The following PABPC4L variants were observed in gnomAD, a reference collection of about 807,000 sequenced individuals.
The protein encoded by PABPC4L is polyadenylate-binding protein 4-like.
For missense variants in PABPC4L, 452 were observed against 451.4 expected, an observed-to-expected ratio of 1.00 and a Z score of -0.01; for synonymous variants, 169 against 164.1, an observed-to-expected ratio of 1.03 and a Z score of -0.23.
At chr4:133,956,492 G>T in the PABPC4L span, among the ~76,000 whole-genome samples, 1 of 151,968 alleles carries the variant, frequency 6.6e-6, no homozygotes, top group African/African-American at 2.4e-5. Flanking sequence ...CCCCAAATAT[G>T]GTACCTTGGC....
the PABPC4L span, among the ~76,000 whole-genome samples, chr4:133,963,996 GA>G: frequency 6.6e-6 from 1 of 151,406 alleles, no homozygotes; most frequent in African/African-American, 2.4e-5. Context: ...AAATGAAATT[GA>G]AACAAAAAAA....
In PABPC4L at chr4:134,201,049, C is replaced by T. The variant is rs1385160554; in HGVS notation, c.-30G>A. On this transcript the variant is annotated 5_prime_UTR_variant, in exon 2 of 2. Coordinates refer to ENST00000421491, the MANE Select transcript of PABPC4L (RefSeq NM_001114734.2). ...TTGTCCTTGCCACTGTGAGTTTGTC[C>T]CCTGGAGTTCTTTGAGCAATCCCTG... is the stretch of plus-strand genomic sequence containing the variant. 6.4e-7 allele frequency: 1 copy of T among 1,551,580 alleles called. No individual in the cohort carries two copies. The highest frequency in any genetic ancestry group is 1.2e-5 in the South Asian group (1 of 84,030).
At chr4:134,060,317 T>C in the PABPC4L span, among the ~76,000 whole-genome samples, 6 of 151,846 alleles carry the variant, frequency 4.0e-5, no homozygotes, top group Non-Finnish European at 8.8e-5. Flanking sequence ...GCTGGGCTTA[T>C]AGTCAGTGGA....
At chr4:134,070,329 G>A in the PABPC4L span, among the ~76,000 whole-genome samples, 9 of 152,098 alleles carry the variant, frequency 5.9e-5, no homozygotes, top group Non-Finnish European at 1.3e-4. Context: ...GTGGTGGGGT[G>A]CATGTGCATC....
At chr4:134,072,221 T>C in the PABPC4L span, among the ~76,000 whole-genome samples, 2 of 152,170 alleles carry the variant, frequency 1.3e-5, no homozygotes, top group South Asian at 4.1e-4. Flanking sequence ...CACAGTGTTA[T>C]CCCTTTTAGT....
the PABPC4L span, among the ~76,000 whole-genome samples, chr4:134,056,758 A>G: frequency 6.6e-6 from 1 of 152,126 alleles, no homozygotes; most frequent in African/African-American, 2.4e-5. Context: ...TGCTAAACAT[A>G]CTTGTAAGTT....
At chr4:133,988,254 A>G in the PABPC4L span, among the ~76,000 whole-genome samples, 1 of 152,294 alleles carries the variant, frequency 6.6e-6, no homozygotes, top group East Asian at 1.9e-4. Context: ...AGTCTCTCAA[A>G]GTCTGAACTC....
Position 134,200,898 on chromosome 4 carries a change from A to G in PABPC4L, c.122T>C (p.Ile41Thr), listed in dbSNP as rs993644199. 17 of 1,560,266 alleles carry G rather than the reference A, an allele frequency of 1.1e-5. No individual in the cohort carries two copies. Among genetic ancestry groups the G allele is most frequent in the Non-Finnish European group, 1.4e-5 (16 of 1,151,928 alleles). ...STVGPVLSIR[I>T]CRDQVTRRSL... ...GCGGCGGGTGACCTGGTCCCTGCAA[A>G]TGCGGATGGACAGCACAGGCCCCAC... The change falls in exon 2 of 2, where the codon ATT becomes ACT. Residue 41 changes from isoleucine (I) to threonine (T), a missense_variant. Ile to Thr is a moderately conservative substitution (Grantham distance 89). Transcript: ENST00000421491.
chr4:134,081,269 G>A, the PABPC4L span, among the ~76,000 whole-genome samples: 1 of 152,102 alleles, frequency 6.6e-6, no homozygotes, highest in South Asian at 2.1e-4. Flanking sequence ...CCAAACCTGT[G>A]GCTGGAGTTG....
the PABPC4L span, among the ~76,000 whole-genome samples, chr4:134,123,004 A>G: frequency 6.6e-6 from 1 of 151,986 alleles, no homozygotes; most frequent in Non-Finnish European, 1.5e-5. Context: ...GTTACATTCT[A>G]TAAAGCTGTC....
the PABPC4L span, among the ~76,000 whole-genome samples, chr4:134,160,622 A>G: frequency 1.3e-5 from 2 of 152,234 alleles, no homozygotes; most frequent in East Asian, 1.9e-4. Flanking sequence ...CCTGTCTATA[A>G]TCCCAGCTAT....
chr4:134,124,612 AG>A, the PABPC4L span, among the ~76,000 whole-genome samples: 1 of 152,078 alleles, frequency 6.6e-6, no homozygotes, highest in Non-Finnish European at 1.5e-5. Context: ...ACACAGCAGT[AG>A]GCATTCTTCC....
the PABPC4L span, among the ~76,000 whole-genome samples, chr4:133,988,334 G>C: frequency 5.9e-5 from 9 of 152,270 alleles, no homozygotes; most frequent in South Asian, 1.9e-3. Context: ...TTCTGCCCAT[G>C]AGCCAGTAAA....
chr4:134,094,420 T>C, the PABPC4L span, among the ~76,000 whole-genome samples: 140,734 of 151,818 alleles, frequency 0.93, 65,421 homozygotes, highest in East Asian at 1. Context: ...TTAGCTGTAG[T>C]TATATACTCT....
the PABPC4L span, among the ~76,000 whole-genome samples, chr4:133,964,397 G>T: frequency 1.3e-5 from 2 of 151,244 alleles, no homozygotes; most frequent in Non-Finnish European, 2.9e-5. Context: ...GACATTCAAA[G>T]AATTGGTACC....
chr4:133,968,892 T>C, the PABPC4L span, among the ~76,000 whole-genome samples: 1 of 152,182 alleles, frequency 6.6e-6, no homozygotes, highest in African/African-American at 2.4e-5. Flanking sequence ...TAATTTTTCA[T>C]TTATAAAATA....
At chr4:134,054,252 G>GTATA in the PABPC4L span, among the ~76,000 whole-genome samples, 682 of 93,720 alleles carry the variant, frequency 7.3e-3, 9 homozygotes, top group Middle Eastern at 0.011. Context: ...AGTTGTATAT[G>GTATA]TATATATATA....
chr4:134,186,077 A>G, the PABPC4L span, among the ~76,000 whole-genome samples: 2 of 152,058 alleles, frequency 1.3e-5, no homozygotes, highest in Non-Finnish European at 2.9e-5. Context: ...CTCATGGATA[A>G]AAAGAATCAA....
chr4:134,061,537 G>T, the PABPC4L span, among the ~76,000 whole-genome samples: 3 of 151,462 alleles, frequency 2.0e-5, no homozygotes, highest in Non-Finnish European at 4.4e-5. Flanking sequence ...AATAAAGAGG[G>T]GAAATGTCCT....
Sources: allele counts gnomAD v4.1 joint callset (sites outside exome capture counted in the v4.1 genomes callset), GRCh38; gene constraint gnomAD v4.1.1; transcripts MANE v1.5; gene names NCBI Gene and HGNC (gene_info 2026-07-23, HGNC 2026-07-21).